The following DYNAP variants were observed in gnomAD, a reference collection of about 807,000 sequenced individuals.
The protein encoded by DYNAP is dynactin associated protein.
Under a neutral mutation model 8.5 loss-of-function variants are expected in DYNAP, and 7 were observed. The ratio of observed to expected loss-of-function variants is 0.82; its 90% CI spans 0.47 to 1.54. DYNAP has a LOEUF of 1.54. Among genes scored for constraint, DYNAP ranks in the 40% most tolerant of loss-of-function variants. The pLI is 0.01. For missense variants in DYNAP, 256 were observed against 224.3 expected (o/e 1.14, Z -0.90); for synonymous variants, 77 against 77.9 (o/e 0.99, Z 0.06).
the DYNAP span, among the ~76,000 whole-genome samples, chr18:54,581,889 G>C: frequency 6.6e-6 from 1 of 152,072 alleles, no homozygotes; most frequent in African/African-American, 2.4e-5. Flanking sequence ...TTTTTAAAAA[G>C]TTCTGCCAGC....
At chr18:54,576,819 A>G in the DYNAP span, among the ~76,000 whole-genome samples, 1 of 151,748 alleles carries the variant, frequency 6.6e-6, no homozygotes, top group Admixed American at 6.6e-5. Flanking sequence ...AACAACAACA[A>G]CAACAACAAC....
chr18:54,576,014 G>A, the DYNAP span, among the ~76,000 whole-genome samples: 4 of 152,116 alleles, frequency 2.6e-5, no homozygotes, highest in African/African-American at 7.2e-5. Flanking sequence ...ATACGTGTCT[G>A]ATATCTCTCA....
intron 1 of DYNAP, among the ~76,000 whole-genome samples, chr18:54,594,417 G>A (rs770515142): frequency 1.3e-5 from 2 of 152,110 alleles, no homozygotes; most frequent in African/African-American, 2.4e-5. Context: ...TACTGTATTA[G>A]CATAGTATGG....
chr18:54,579,905 T>C, the DYNAP span, among the ~76,000 whole-genome samples: 1 of 152,236 alleles, frequency 6.6e-6, no homozygotes, highest in Non-Finnish European at 1.5e-5. Context: ...TCAAATCCTA[T>C]AAAAACAGTA....
At chr18:54,583,361 C>T (rs995848518), upstream of DYNAP, among the ~76,000 whole-genome samples, 6 of 152,210 alleles carry the variant, frequency 3.9e-5, no homozygotes, top group African/African-American at 9.6e-5. Context: ...GGAGCCCCCA[C>T]TGCTGGGGTA....
chr18:54,583,092 A>T (rs1016541731), upstream of DYNAP, among the ~76,000 whole-genome samples: 1 of 152,078 alleles, frequency 6.6e-6, no homozygotes, highest in African/African-American at 2.4e-5. Context: ...TTCTGGGCAC[A>T]CCTTAGGAAA....
At chr18:54,576,839 A>T in the DYNAP span, among the ~76,000 whole-genome samples, 90,185 of 151,342 alleles carry the variant, frequency 0.6, 29,129 homozygotes, top group Middle Eastern at 0.76. Context: ...CAACAACAAC[A>T]CCAAAAAAAC....
upstream of DYNAP, among the ~76,000 whole-genome samples, chr18:54,584,818 T>C (rs1337777773): frequency 6.6e-6 from 1 of 152,118 alleles, no homozygotes; most frequent in Admixed American, 6.6e-5. Context: ...TACCTTTTTG[T>C]GTAGTTGCAA....
At chr18:54,579,807 C>G in the DYNAP span, among the ~76,000 whole-genome samples, 1 of 152,252 alleles carries the variant, frequency 6.6e-6, no homozygotes, top group East Asian at 1.9e-4. Flanking sequence ...GAAAGCACTC[C>G]AGTTAAATAA....
chr18:54,593,277 T>C (rs905564414), intron 1 of DYNAP, among the ~76,000 whole-genome samples: 3 of 152,152 alleles, frequency 2.0e-5, no homozygotes, highest in Non-Finnish European at 4.4e-5. Context: ...ACAGTTTTCA[T>C]GGAACTCACT....
At chr18:54,577,765 C>T in the DYNAP span, among the ~76,000 whole-genome samples, 2 of 151,614 alleles carry the variant, frequency 1.3e-5, no homozygotes, top group Admixed American at 6.6e-5. Context: ...GTCAGAAGTT[C>T]GAGACCAGCT....
At chr18:54,583,471 C>A (rs1318500387), upstream of DYNAP, among the ~76,000 whole-genome samples, 1 of 152,062 alleles carries the variant, frequency 6.6e-6, no homozygotes, top group African/African-American at 2.4e-5. Flanking sequence ...GAATTTTAGC[C>A]CTTGGTGTAA....
the DYNAP span, among the ~76,000 whole-genome samples, chr18:54,581,969 TCTTTCTTA>T: frequency 1.3e-5 from 2 of 152,212 alleles, no homozygotes; most frequent in Non-Finnish European, 2.9e-5. Flanking sequence ...AATTGCTGTT[TCTTTCTTA>T]CTAATACAAA....
At chr18:54,578,334 T>C in the DYNAP span, among the ~76,000 whole-genome samples, 2 of 152,254 alleles carry the variant, frequency 1.3e-5, no homozygotes, top group African/African-American at 4.8e-5. Flanking sequence ...GGATTGGTTT[T>C]CGTGTTACTT....
At chr18:54,592,075 C>T (rs1911099072) in intron 1 of DYNAP, among the ~76,000 whole-genome samples, 1 of 152,096 alleles carries the variant, frequency 6.6e-6, no homozygotes, top group South Asian at 2.1e-4. Context: ...CTGTGGTAAT[C>T]AGCCTGTGTA....
chr18:54,595,342 T>C (rs1318334022), intron 2 of DYNAP, among the ~76,000 whole-genome samples: 4 of 152,054 alleles, frequency 2.6e-5, no homozygotes, highest in Non-Finnish European at 4.4e-5. Flanking sequence ...CAAACATCTA[T>C]AATAGATAGA....
chr18:54,597,033 A>G (rs960853674), intron 2 of DYNAP, among the ~76,000 whole-genome samples: 2 of 152,090 alleles, frequency 1.3e-5, no homozygotes, highest in African/African-American at 2.4e-5. Flanking sequence ...TTTGTATTCT[A>G]TTCCTGGAAG....
the DYNAP span, among the ~76,000 whole-genome samples, chr18:54,579,049 T>C: frequency 6.6e-6 from 1 of 152,146 alleles, no homozygotes; most frequent in African/African-American, 2.4e-5. Flanking sequence ...TCCGCCCGCC[T>C]CGGCCTCCCA....
At chr18:54,576,030 C>A in the DYNAP span, among the ~76,000 whole-genome samples, 1 of 152,160 alleles carries the variant, frequency 6.6e-6, no homozygotes, top group South Asian at 2.1e-4. Flanking sequence ...TCTCAGTAAA[C>A]ATAGTGAATT....
Sources: allele counts gnomAD v4.1 joint callset (sites outside exome capture counted in the v4.1 genomes callset), GRCh38; gene constraint gnomAD v4.1.1; transcripts MANE v1.5; gene names NCBI Gene and HGNC (gene_info 2026-07-23, HGNC 2026-07-21).